Variants in XKR4 observed in about 807,000 individuals in gnomAD.
XKR4 encodes the protein XK related 4.
XKR4 carries 12 observed loss-of-function variants against 53.9 expected under a neutral mutation model. The observed-to-expected ratio is 0.22, with a 90% CI of 0.14 to 0.36. The LOEUF is 0.36. XKR4 is among the 10% of genes least tolerant of loss of function. The pLI is 1.00. For synonymous variants in XKR4, 354 were observed against 362.4 expected, an observed-to-expected ratio of 0.98 and a Z score of 0.26; for missense variants, 799 against 859.5, an observed-to-expected ratio of 0.93 and a Z score of 0.88.
At chr8:55,140,820 T>A (rs1001037258) in intron 1 of XKR4, among the ~76,000 whole-genome samples, 1 of 152,158 alleles carries the variant, frequency 6.6e-6, no homozygotes, top group Non-Finnish European at 1.5e-5. Context: ...CTGTGGCCTA[T>A]TTTTAGAAGA....
At chr8:55,206,216 T>A (rs1817648359) in intron 1 of XKR4, among the ~76,000 whole-genome samples, 1 of 151,928 alleles carries the variant, frequency 6.6e-6, no homozygotes, top group Admixed American at 6.5e-5. Context: ...GGGTTGCCAC[T>A]GGGGCTGGGT....
intron 1 of XKR4, among the ~76,000 whole-genome samples, chr8:55,183,239 A>G (rs1251994024): frequency 1.3e-5 from 2 of 151,120 alleles, no homozygotes; most frequent in Non-Finnish European, 2.9e-5. Flanking sequence ...TCTAATATGT[A>G]TTATTGCCTT....
In XKR4 at chr8:55,119,332, G is replaced by A. The variant is rs1406493916; in HGVS notation, c.806+16038G>A. On this transcript the variant is annotated intron_variant, in intron 1 of 2. Coordinates refer to ENST00000327381, the MANE Select transcript of XKR4 (RefSeq NM_052898.2). Reference sequence around the variant, plus strand: ...AAGTCCCTCCCAGAAGAGACTCTTAGACTGGGAAGTCCCTCCCAGAAGGGA... The same window carrying A: ...AAGTCCCTCCCAGAAGAGACTCTTAAACTGGGAAGTCCCTCCCAGAAGGGA... Among the ~76,000 whole-genome samples the A allele has an allele frequency of 2.6e-5, 4 of 152,078 alleles. No homozygotes were observed. In the East Asian group the frequency reaches 7.7e-4, roughly 29 times the overall value.
In XKR4 at chr8:55,103,883, A is replaced by G. The variant is rs971830219; in HGVS notation, c.806+589A>G. 1.5e-4 allele frequency among the ~76,000 whole-genome samples: 20 copies of G among 136,900 alleles called. No homozygotes were observed. In the East Asian group the frequency reaches 3.6e-3, roughly 25 times the overall value. 89.8% of individuals were successfully genotyped at this position (136,900 alleles called of 152,430 possible). A position where few individuals can be genotyped will look rare whatever the true frequency, so the allele number is the denominator to read the frequency against. Reference sequence around the variant, plus strand: ...TATATATATATATATATATATATATATATATATATATCCCCGAGCATGATT... The same window carrying G: ...TATATATATATATATATATATATATGTATATATATATCCCCGAGCATGATT... On this transcript the variant is annotated intron_variant, in intron 1 of 2. Coordinates refer to ENST00000327381, the MANE Select transcript of XKR4 (RefSeq NM_052898.2).
At chr8:55,107,134 T>TA (rs1816160493) in intron 1 of XKR4, among the ~76,000 whole-genome samples, 1 of 152,194 alleles carries the variant, frequency 6.6e-6, no homozygotes, top group Non-Finnish European at 1.5e-5. Context: ...ATTGGCACTT[T>TA]AAAAATATAC....
intron 1 of XKR4, among the ~76,000 whole-genome samples, chr8:55,170,734 G>A (rs1402789463): frequency 2.0e-5 from 3 of 152,158 alleles, no homozygotes; most frequent in Non-Finnish European, 4.4e-5. Context: ...GTCATGATGG[G>A]CTTGACTGAA....
In XKR4 at chr8:55,537,006, A is replaced by AT. The variant is rs1481193278; in HGVS notation, c.*12785dup. ...TTTAATTTTAAGCATTCCTTATGAT[A>AT]TTTTTTAAGCCTAAAAACCATTCAA... On this transcript the variant is annotated 3_prime_UTR_variant, in exon 3 of 3. Coordinates refer to ENST00000327381, the MANE Select transcript of XKR4 (RefSeq NM_052898.2). The AT allele has an allele frequency of 6.6e-6, 1 of 152,218 alleles. No individual in the cohort carries two copies. Among genetic ancestry groups the AT allele is most frequent in the Non-Finnish European group, 1.5e-5 (1 of 68,032 alleles). The allele number at this position is 152,218 out of a possible 1,614,324, so 9.4% of individuals were successfully genotyped here.
chr8:55,236,525 C>T (rs1400304347), intron 1 of XKR4, among the ~76,000 whole-genome samples: 1 of 152,148 alleles, frequency 6.6e-6, no homozygotes, highest in East Asian at 1.9e-4. Context: ...CAGAGCTGTC[C>T]TTAGTGGACT....
chr8:55,348,577 G>T (rs1331137816), intron 1 of XKR4, among the ~76,000 whole-genome samples: 1 of 152,110 alleles, frequency 6.6e-6, no homozygotes, highest in Non-Finnish European at 1.5e-5. Context: ...AGTGGACATG[G>T]GGTTACAATA....
intron 1 of XKR4, among the ~76,000 whole-genome samples, chr8:55,250,346 A>C (rs1818346992): frequency 6.6e-6 from 1 of 152,220 alleles, no homozygotes; most frequent in Non-Finnish European, 1.5e-5. Context: ...ATTTATTGTA[A>C]AGAAGCCCAT....
intron 2 of XKR4, among the ~76,000 whole-genome samples, chr8:55,428,035 T>A (rs1805042335): frequency 6.6e-6 from 1 of 152,222 alleles, no homozygotes; most frequent in South Asian, 2.1e-4. Flanking sequence ...GTTATATAAC[T>A]TTTTTCAGTC....
At chr8:55,280,311 A>G (rs1365786181) in intron 1 of XKR4, among the ~76,000 whole-genome samples, 2 of 152,192 alleles carry the variant, frequency 1.3e-5, no homozygotes, top group East Asian at 1.9e-4. Context: ...CAGATCTGCA[A>G]CTGAGAATGC....
chr8:55,433,526 A>C (rs553758073), intron 2 of XKR4, among the ~76,000 whole-genome samples: 1 of 152,274 alleles, frequency 6.6e-6, no homozygotes, highest in Admixed American at 6.5e-5. Context: ...GGTCATTTGT[A>C]CATAAAGAGA....
intron 1 of XKR4, among the ~76,000 whole-genome samples, chr8:55,168,563 T>C (rs1454448183): frequency 6.6e-6 from 1 of 152,228 alleles, no homozygotes; most frequent in Non-Finnish European, 1.5e-5. Flanking sequence ...GTTTTGATCC[T>C]CACCTTGGAA....
At chr8:55,297,064 C>A (rs139464233) in intron 1 of XKR4, among the ~76,000 whole-genome samples, 18 of 151,832 alleles carry the variant, frequency 1.2e-4, no homozygotes, top group Non-Finnish European at 2.2e-4. Context: ...ATTTCAAAAG[C>A]CTATTCTGTG....
chr8:55,493,443 A>G (rs1806299201), intron 2 of XKR4, among the ~76,000 whole-genome samples: 1 of 152,194 alleles, frequency 6.6e-6, no homozygotes, highest in Non-Finnish European at 1.5e-5. Flanking sequence ...GGTAGTTTCT[A>G]TCTTCTTCCC....
At chr8:55,351,537 G>T (rs1230038015) in intron 1 of XKR4, among the ~76,000 whole-genome samples, 1 of 152,226 alleles carries the variant, frequency 6.6e-6, no homozygotes, top group African/African-American at 2.4e-5. Context: ...AAAGAAAGTA[G>T]CTCAGGGAGG....
At position 55,537,899 on chromosome 8, in the gene XKR4, T is replaced by C. The variant is rs1480873509; in HGVS notation, c.*13672T>C. The C allele has an allele frequency of 2.0e-5, 3 of 152,194 alleles. No individual in the cohort carries two copies. The highest frequency in any genetic ancestry group is 4.4e-5 in the Non-Finnish European group (3 of 68,044). The allele number at this position is 152,194 out of a possible 1,614,324, so 9.4% of individuals were successfully genotyped here. ...CCCATTTCAAATCTTTTTACCTTCA[T>C]GTTACCAACAGGATGTTTAGTTGAA... On this transcript the variant is annotated 3_prime_UTR_variant, in exon 3 of 3. Transcript: ENST00000327381.
intron 1 of XKR4, among the ~76,000 whole-genome samples, chr8:55,305,607 T>G (rs1162660266): frequency 1.3e-5 from 2 of 152,180 alleles, no homozygotes; most frequent in African/African-American, 2.4e-5. Context: ...ATAATAATAT[T>G]AATACTTCAC....
Sources: gnomAD v4.1 joint callset for allele counts (sites outside exome capture counted in the v4.1 genomes callset) on GRCh38, gnomAD v4.1.1 for gene constraint, MANE v1.5 for transcripts, NCBI Gene and HGNC (gene_info 2026-07-23, HGNC 2026-07-21) for gene names.